ZNF639: variants seen among roughly 807,000 people sequenced by gnomAD.
ZNF639 encodes zinc finger amplified in esophageal squamous cell carcinomas 1.
A neutral mutation model predicts 39.8 loss-of-function variants in ZNF639; 20 were observed. The ratio of observed to expected loss-of-function variants is 0.50; its 90% confidence interval spans 0.35 to 0.73. The LOEUF is 0.73. Among genes scored for constraint, ZNF639 ranks in the 30% least tolerant of loss-of-function variants. The probability of loss-of-function intolerance (pLI) is 0.00; values close to 1 mark genes in which losing one functional copy is unlikely to be tolerated. For missense variants in ZNF639, 477 were observed against 566.2 expected, an observed-to-expected ratio of 0.84 and a Z score of 1.60; for synonymous variants, 176 against 189.8, an observed-to-expected ratio of 0.93 and a Z score of 0.60.
chr3:179,323,219 GC>G lies in ZNF639; in HGVS notation c.-151del. On this transcript the variant is annotated 5_prime_UTR_variant, in exon 1 of 6. Transcript: ENST00000496856. ...GTGCGTCCGCGGGAAGGACCGCGCG[GC>G]CCCTCCGCCTGCGCTCTCGGCCGCC... 2.0e-6 allele frequency: 2 copies of G among 985,148 alleles called. No individual in the cohort carries two copies. Among genetic ancestry groups the G allele is most frequent in the South Asian group, 9.4e-5 (2 of 21,292 alleles). The allele number at this position is 985,148 out of a possible 1,614,324, so 61.0% of individuals were successfully genotyped here.
intron 1 of ZNF639, among the ~76,000 whole-genome samples, chr3:179,325,986 T>C (rs1043857281): frequency 1.3e-5 from 2 of 151,630 alleles, no homozygotes; most frequent in Admixed American, 6.6e-5. Context: ...GCAGCAAAAA[T>C]AGTATGTGCA....
intron 2 of ZNF639, chr3:179,328,000 G>T (rs1167254392): frequency 8.2e-6 from 2 of 243,522 alleles, no homozygotes; most frequent in Non-Finnish European, 1.6e-5. Context: ...TTAAACATGT[G>T]GTTTATTGTA....
In ZNF639 at chr3:179,337,546, AG is replaced by A. The variant is rs142855775; in HGVS notation, c.*3126del. On this transcript the variant is annotated 3_prime_UTR_variant, in exon 6 of 6. Coordinates refer to ENST00000496856, the MANE Select transcript of ZNF639 (RefSeq NM_001303426.2). The stretch of plus-strand genomic sequence containing the variant: ...GAGACGGGGTTTCACCATGTTGACC[AG>A]GCTGGTCTTGAACTCCTGACCTCTT... 0.26 allele frequency: 39,003 copies of A among 151,532 alleles called. 6,132 individuals carry two copies. The highest frequency in any genetic ancestry group is 0.38 in the Admixed American group (5,751 of 15,214). The allele number at this position is 151,532 out of a possible 1,614,324, so 9.4% of individuals were successfully genotyped here.
At chr3:179,331,965 T>A (rs950224282) in intron 4 of ZNF639, among the ~76,000 whole-genome samples, 2 of 151,720 alleles carry the variant, frequency 1.3e-5, no homozygotes, top group Admixed American at 6.6e-5. Context: ...GTAATCATTT[T>A]AAAAAAAAGA....
chr3:179,324,810 TAAC>T (rs1009176926), intron 1 of ZNF639: 4 of 152,252 alleles, frequency 2.6e-5, no homozygotes, highest in Non-Finnish European at 5.9e-5. Context: ...CATTCTGAAA[TAAC>T]AAGAGACTAC....
In ZNF639 at chr3:179,324,983, T is replaced by G. The variant is rs527662712; in HGVS notation, c.-83+1692T>G. 2.0e-5 allele frequency: 3 copies of G among 152,362 alleles called. No homozygotes were observed. In the East Asian group the frequency reaches 5.8e-4, roughly 29 times the overall value. The allele number at this position is 152,362 out of a possible 1,614,324, so 9.4% of individuals were successfully genotyped here. A position where few individuals can be genotyped will look rare whatever the true frequency, so the allele number is the denominator to read the frequency against. On this transcript the variant is annotated intron_variant, in intron 1 of 5. Transcript: ENST00000496856. ...GATGGTTACTCAAGGAATGATTGTT[T>G]ACATTGTTAGGTGAGGCGTTTGATT...
Position 179,334,185 on chromosome 3 carries a change from C to G in ZNF639, c.1221C>G (p.Asp407Glu), listed in dbSNP as rs749146993. 13 of 1,613,916 alleles carry G rather than the reference C, an allele frequency of 8.1e-6. No homozygotes were observed. The highest frequency in any genetic ancestry group is 1.7e-6 in the Non-Finnish European group (2 of 1,179,996). ...AAATTTTTCCTCATGTTTGTGATGA[C>G]TGTGGGAAAGGCTTTTCAAGTATGC... is the stretch of plus-strand genomic sequence containing the variant. ...HTKIFPHVCD[D>E]CGKGFSSMLE... is the part of the protein sequence containing the mutation. The change falls in exon 6 of 6, where the codon GAC becomes GAG. Residue 407 changes from aspartate to glutamate, a missense_variant. Physicochemically the swap from Asp to Glu is conservative, Grantham distance 45. Transcript: ENST00000496856.
chr3:179,331,460 C>A (rs527724344), intron 4 of ZNF639, among the ~76,000 whole-genome samples: 3 of 152,144 alleles, frequency 2.0e-5, no homozygotes, highest in African/African-American at 7.2e-5. Context: ...TGACTTCTTA[C>A]AAAAGGTAAA....
rs1203923196 is a variant in ZNF639, at chr3:179,338,147, G to A, written c.*3725G>A. On this transcript the variant is annotated 3_prime_UTR_variant, in exon 6 of 6. Transcript: ENST00000496856. ...CACTCCTGGTTTTGTTTTGTTTTTT[G>A]TTTTGTTTTACTTCAGAGACAGACA... The A allele has an allele frequency of 1.3e-5, 2 of 150,818 alleles. No homozygotes were observed. Among genetic ancestry groups the A allele is most frequent in the African/African-American group, 2.4e-5 (1 of 41,356 alleles). 9.3% of individuals were successfully genotyped at this position (150,818 alleles called of 1,614,324 possible). A position where few individuals can be genotyped will look rare whatever the true frequency, so the allele number is the denominator to read the frequency against.
rs749498457 is a variant in ZNF639, at chr3:179,333,878, A to G, written c.914A>G (p.Tyr305Cys). ...CAGTTCTCCTCAAGCAGTGAACTCT[A>G]CCTACATTTCCAGGAGCACAGCTGT... ...DVQFSSSSELYLHFQEHSCDE... is the reference protein window; with the variant it reads ...DVQFSSSSELCLHFQEHSCDE... Residue 305 changes from tyrosine to cysteine, a missense_variant, in exon 6 of 6, where the codon TAC becomes TGC. Tyr to Cys is a radical substitution (Grantham distance 194, BLOSUM62 -2). Coordinates refer to ENST00000496856, the MANE Select transcript of ZNF639 (RefSeq NM_001303426.2). The G allele has an allele frequency of 2.5e-6, 4 of 1,614,184 alleles. No individual in the cohort carries two copies. The highest frequency in any genetic ancestry group is 3.4e-6 in the Non-Finnish European group (4 of 1,180,030).
At chr3:179,324,216 G>A (rs1003815443) in intron 1 of ZNF639, among the ~76,000 whole-genome samples, 3 of 152,138 alleles carry the variant, frequency 2.0e-5, no homozygotes, top group African/African-American at 7.2e-5. Flanking sequence ...TTGCATGAAA[G>A]GCCTTTTGAA....
rs1316239992 is a variant in ZNF639 at position 179,323,046 on chromosome 3, G to A, written c.-328G>A. 1.0e-6 allele frequency: 1 copy of A among 984,970 alleles called. No individual in the cohort carries two copies. The highest frequency in any genetic ancestry group is 1.7e-5 in the African/African-American group (1 of 57,168). The allele number at this position is 984,970 out of a possible 1,614,324, so 61.0% of individuals were successfully genotyped here. A position where few individuals can be genotyped will look rare whatever the true frequency, so the allele number is the denominator to read the frequency against. On this transcript the variant is annotated 5_prime_UTR_variant, in exon 1 of 6. Coordinates refer to ENST00000496856, the MANE Select transcript of ZNF639 (RefSeq NM_001303426.2). ...GCGGGCCCCTGAGGTGCGCGGCGCA[G>A]GCGCGGAGCGTGGCGGCCAGGGCAG...
At chr3:179,329,264 A>T (rs1162516795) in intron 3 of ZNF639, among the ~76,000 whole-genome samples, 2 of 152,266 alleles carry the variant, frequency 1.3e-5, no homozygotes, top group African/African-American at 2.4e-5. Context: ...CCTATGTAAC[A>T]ACCTTTCTCT....
intron 4 of ZNF639, 123 bp from the exon 5 acceptor site, chr3:179,332,866 A>G: frequency 7.6e-7 from 1 of 1,324,110 alleles, no homozygotes; most frequent in Non-Finnish European, 9.9e-7. Context: ...TCTTTTTATG[A>G]CTAAATCCAA....
chr3:179,336,942 A>G lies in ZNF639; in HGVS notation c.*2520A>G, dbSNP rs1329899992. 3 of 152,172 alleles carry G rather than the reference A, an allele frequency of 2.0e-5. No individual in the cohort carries two copies. Among genetic ancestry groups the G allele is most frequent in the Non-Finnish European group, 4.4e-5 (3 of 68,038 alleles). The allele number at this position is 152,172 out of a possible 1,614,324, so 9.4% of individuals were successfully genotyped here. On this transcript the variant is annotated 3_prime_UTR_variant, in exon 6 of 6. Transcript: ENST00000496856. ...TCTTTTAATCTATTTGCTGCTTTAC[A>G]TTTGGATCAAGTGTTAGTAATTGAA... is the stretch of plus-strand genomic sequence containing the variant.
intron 1 of ZNF639, among the ~76,000 whole-genome samples, chr3:179,324,651 C>G (rs943038914): frequency 3.3e-5 from 5 of 152,194 alleles, no homozygotes; most frequent in Non-Finnish European, 7.3e-5. Context: ...TCGTTCGGCC[C>G]TAAGTAGGAG....
At chr3:179,332,771 G>A (rs940201004) in intron 4 of ZNF639, among the ~76,000 whole-genome samples, 6 of 152,172 alleles carry the variant, frequency 3.9e-5, no homozygotes, top group African/African-American at 1.2e-4. Context: ...TTCAAAAAGT[G>A]TAATCTAGTC....
chr3:179,333,183 G>A (rs1728013259), intron 5 of ZNF639, 60 bp downstream of exon 5: 3 of 1,560,816 alleles, frequency 1.9e-6, no homozygotes, highest in Non-Finnish European at 2.6e-6. Flanking sequence ...TAAAAAAAGT[G>A]CATGCAATAA....
rs989779012 is a variant in ZNF639 at position 179,335,700 on chromosome 3, C to T, written c.*1278C>T. 6.6e-6 allele frequency: 1 copy of T among 150,602 alleles called. No individual in the cohort carries two copies. The highest frequency in any genetic ancestry group is 1.5e-5 in the Non-Finnish European group (1 of 67,916). The allele number at this position is 150,602 out of a possible 1,614,324, so 9.3% of individuals were successfully genotyped here. A position where few individuals can be genotyped will look rare whatever the true frequency, so the allele number is the denominator to read the frequency against. On this transcript the variant is annotated 3_prime_UTR_variant, in exon 6 of 6. Coordinates refer to ENST00000496856, the MANE Select transcript of ZNF639 (RefSeq NM_001303426.2). The stretch of plus-strand genomic sequence containing the variant: ...GGGAAGGATCTGTTTCAGGTCTGTC[C>T]TTGGCTTGTAGATGGATAGCCTCAT...
Sources: allele counts gnomAD v4.1 joint callset (sites outside exome capture counted in the v4.1 genomes callset), GRCh38; gene constraint gnomAD v4.1.1; transcripts MANE v1.5; gene names NCBI Gene and HGNC (gene_info 2026-07-23, HGNC 2026-07-21).